Variants in DST observed in about 807,000 individuals in gnomAD.
The protein encoded by DST is bullous pemphigoid antigen.
A neutral mutation model predicts 875.2 loss-of-function variants in DST; 253 were observed. The observed-to-expected ratio is 0.29, with a 90% CI of 0.26 to 0.32. The LOEUF is 0.32. Among genes scored for constraint, DST ranks in the 10% least tolerant of loss-of-function variants. The pLI, the probability that DST is intolerant of heterozygous loss-of-function variation, is 1.00. For synonymous variants in DST, 3,124 were observed against 3,197.1 expected, an observed-to-expected ratio of 0.98 and a Z score of 0.77; for missense variants, 8,287 against 9,111.6, an observed-to-expected ratio of 0.91 and a Z score of 3.68.
rs1190264791 is a variant in DST, at chr6:56,605,235, A to G, written c.9393T>C (p.Pro3131=). 6.2e-7 allele frequency: 1 copy of G among 1,611,320 alleles called. No individual in the cohort carries two copies. The highest frequency in any genetic ancestry group is 2.2e-5 in the East Asian group (1 of 44,758). Residue 3131 remains proline, a synonymous_variant, in exon 40 of 104, where the codon CCT becomes CCC. Transcript: ENST00000680361. ...TTTCTTCAAGATTCTCAAACTGAAC[A>G]GGACTTTTACTAACTATTATTTGTA... is the stretch of plus-strand genomic sequence containing the variant. ...NNLQIIVSKS[P]VQFENLEEIF...
intron 94 of DST, 56 bp from the exon 95 acceptor site, chr6:56,471,324 A>G (rs2094880389): frequency 7.8e-7 from 1 of 1,279,334 alleles, no homozygotes; most frequent in Non-Finnish European, 1.1e-6. Flanking sequence ...ATTGTAGACT[A>G]TACTATATGA....
At chr6:56,581,625 T>G (rs2097997376) in intron 49 of DST, among the ~76,000 whole-genome samples, 1 of 152,216 alleles carries the variant, frequency 6.6e-6, no homozygotes, top group African/African-American at 2.4e-5. Flanking sequence ...CTTACAGATT[T>G]CTGCAAAAGT....
intron 87 of DST, among the ~76,000 whole-genome samples, chr6:56,485,890 C>A (rs2095542923): frequency 1.3e-5 from 2 of 152,094 alleles, no homozygotes; most frequent in South Asian, 4.1e-4. Context: ...TTCAACCATC[C>A]CAAAAATCTT....
intron 15 of DST, chr6:56,642,911 C>A: frequency 6.5e-7 from 1 of 1,548,992 alleles, no homozygotes; most frequent in Non-Finnish European, 8.7e-7. Flanking sequence ...CTTTTAGTGG[C>A]TCCTTAAATA....
chr6:56,683,040 C>T (rs921032701), intron 9 of DST, among the ~76,000 whole-genome samples: 7 of 152,148 alleles, frequency 4.6e-5, no homozygotes, highest in Non-Finnish European at 1.0e-4. Context: ...TAAGTTAGTA[C>T]AAAAGTATTT....
chr6:56,832,999 A>G (rs2099789143), intron 4 of DST, among the ~76,000 whole-genome samples: 1 of 152,222 alleles, frequency 6.6e-6, no homozygotes, highest in African/African-American at 2.4e-5. Context: ...TTGGCCTTCC[A>G]AAGTGCTGAG....
chr6:56,707,792 T>C (rs886747439), intron 5 of DST, among the ~76,000 whole-genome samples: 2 of 152,206 alleles, frequency 1.3e-5, no homozygotes, highest in Non-Finnish European at 2.9e-5. Context: ...TTTGCTACTA[T>C]CGTATTTATG....
At chr6:56,621,438 A>T (rs1307865648) in intron 36 of DST, among the ~76,000 whole-genome samples, 1 of 152,244 alleles carries the variant, frequency 6.6e-6, no homozygotes, top group Middle Eastern at 3.2e-3. Flanking sequence ...GCTCTGGAAA[A>T]GATGCGCTTC....
intron 98 of DST, among the ~76,000 whole-genome samples, chr6:56,467,819 G>C (rs2094659609): frequency 6.6e-6 from 1 of 152,112 alleles, no homozygotes; most frequent in Admixed American, 6.5e-5. Flanking sequence ...CACAAGACAA[G>C]AGAAAATAGA....
chr6:56,934,723 C>T (rs1812146664), intron 2 of DST, among the ~76,000 whole-genome samples: 1 of 150,436 alleles, frequency 6.6e-6, no homozygotes. Flanking sequence ...ATTGGCTGCC[C>T]TCTGACATTA....
At chr6:56,760,219 T>G (rs2099614087) in intron 4 of DST, among the ~76,000 whole-genome samples, 1 of 152,316 alleles carries the variant, frequency 6.6e-6, no homozygotes, top group Non-Finnish European at 1.5e-5. Context: ...ATCCATAGAA[T>G]GAACTGCTAA....
At position 56,819,199 on chromosome 6, in the gene DST, T is replaced by G. The variant is rs577179462; in HGVS notation, c.625+32198A>C. Among the ~76,000 whole-genome samples, 7 of 152,246 alleles carry G rather than the reference T, an allele frequency of 4.6e-5. No homozygotes were observed. In the South Asian group the frequency reaches 1.2e-3, roughly 27 times the overall value. On this transcript the variant is annotated intron_variant, in intron 4 of 103. Coordinates refer to ENST00000680361, the MANE Select transcript of DST (RefSeq NM_001374736.1). ...TTATTTCTCAAAATAATTCACAACA[T>G]CCATCAGAAGTATATTTGAGCTCTG...
At chr6:56,818,010 G>GA (rs34198093) in intron 4 of DST, among the ~76,000 whole-genome samples, 1 of 152,148 alleles carries the variant, frequency 6.6e-6, no homozygotes, top group Non-Finnish European at 1.5e-5. Flanking sequence ...AGCAGTGGTG[G>GA]AAGTGACATA....
At chr6:56,840,714 C>G (rs1356229903) in intron 4 of DST, among the ~76,000 whole-genome samples, 1 of 152,208 alleles carries the variant, frequency 6.6e-6, no homozygotes, top group Non-Finnish European at 1.5e-5. Context: ...TGTTTTTCTA[C>G]AGAGTCTGAT....
chr6:56,855,838 T>C (rs1767593786), intron 3 of DST, among the ~76,000 whole-genome samples: 1 of 152,156 alleles, frequency 6.6e-6, no homozygotes, highest in African/African-American at 2.4e-5. Flanking sequence ...ATTAACCTAA[T>C]GTGCACTTCC....
At chr6:56,526,219 ACTT>A in intron 69 of DST, 139 bp downstream of exon 69, 4 of 897,224 alleles carry the variant, frequency 4.5e-6, no homozygotes, top group South Asian at 3.5e-5. Flanking sequence ...AGCCCAGTCA[ACTT>A]CTTTTCAAAT....
intron 10 of DST, among the ~76,000 whole-genome samples, chr6:56,667,264 A>G (rs1054879205): frequency 1.3e-5 from 2 of 152,238 alleles, no homozygotes; most frequent in Non-Finnish European, 2.9e-5. Flanking sequence ...AAATTTGCTC[A>G]TGGTGATATT....
At position 56,603,243 on chromosome 6, in the gene DST, T is replaced by C. The variant is rs1419352110; in HGVS notation, c.11119A>G (p.Arg3707Gly). ...ATCGCAAGCATGATCTGTTTCGTTC[T>C]TTCTGAAGACACGTTGCTGAGGGAA... ...FSSLSNVSSE[R>G]TKQIMLAIDS... is the part of the protein sequence containing the mutation. The change falls in exon 42 of 104, where the codon AGA (arginine) becomes GGA (glycine). Residue 3707 changes from arginine to glycine, a missense_variant. Physicochemically the swap from Arg to Gly is moderately radical, Grantham distance 125. Coordinates refer to ENST00000680361, the MANE Select transcript of DST (RefSeq NM_001374736.1). 5.0e-6 allele frequency: 8 copies of C among 1,607,640 alleles called. No homozygotes were observed. The highest frequency in any genetic ancestry group is 6.8e-6 in the Non-Finnish European group (8 of 1,177,184).
intron 4 of DST, among the ~76,000 whole-genome samples, chr6:56,774,227 T>C (rs2099673363): frequency 6.6e-6 from 1 of 151,718 alleles, no homozygotes. Context: ...GACATTCACA[T>C]ACCTCTTCAA....
Sources: gnomAD v4.1 joint callset for allele counts (sites outside exome capture counted in the v4.1 genomes callset) on GRCh38, gnomAD v4.1.1 for gene constraint, MANE v1.5 for transcripts, NCBI Gene and HGNC (gene_info 2026-07-23, HGNC 2026-07-21) for gene names.